MMP26: variants seen among roughly 807,000 people sequenced by gnomAD.
MMP26 encodes matrix metallopeptidase 26.
Under a neutral mutation model 31.0 loss-of-function variants are expected in MMP26, and 33 were observed. The observed-to-expected ratio is 1.06, with a 90% CI of 0.81 to 1.42. MMP26 has a LOEUF of 1.42. Ranked by LOEUF, MMP26 falls within the 40% of genes most tolerant of loss-of-function variation. MMP26 has a pLI of 0.00. For synonymous variants in MMP26, 122 were observed against 114.9 expected (o/e 1.06, Z -0.40); for missense variants, 347 against 316.1 (o/e 1.10, Z -0.74).
At chr11:4,936,361 G>C (rs569589590) in intron 2 of MMP26, among the ~76,000 whole-genome samples, 2 of 152,042 alleles carry the variant, frequency 1.3e-5, no homozygotes, top group East Asian at 3.9e-4. Context: ...TAGTTTATTT[G>C]CGTAGAGGTG....
intron 2 of MMP26, among the ~76,000 whole-genome samples, chr11:4,823,131 A>T (rs998564683): frequency 2.0e-5 from 3 of 152,142 alleles, no homozygotes; most frequent in African/African-American, 7.2e-5. Flanking sequence ...TAGCAATGGC[A>T]GAGCAAAGGC....
chr11:4,792,310 G>T (rs1441755022), intron 2 of MMP26, among the ~76,000 whole-genome samples: 3 of 152,094 alleles, frequency 2.0e-5, no homozygotes, highest in African/African-American at 7.2e-5. Context: ...TCCTTCGGAG[G>T]CAACTTCTCT....
chr11:4,867,762 G>C (rs1377491698), intron 2 of MMP26, among the ~76,000 whole-genome samples: 2 of 152,072 alleles, frequency 1.3e-5, no homozygotes, highest in Non-Finnish European at 2.9e-5. Context: ...GCAAGGTTCT[G>C]AAGAAAAAGG....
intron 2 of MMP26, among the ~76,000 whole-genome samples, chr11:4,802,379 T>TA (rs1247623429): frequency 6.6e-6 from 1 of 152,194 alleles, no homozygotes; most frequent in Non-Finnish European, 1.5e-5. Flanking sequence ...TATTTTTCAT[T>TA]AAAAAAGTGA....
chr11:4,860,653 G>A (rs951687593), intron 2 of MMP26: 7 of 359,992 alleles, frequency 1.9e-5, no homozygotes, highest in Non-Finnish European at 2.8e-5. Flanking sequence ...ACAGAACAAT[G>A]GCTTTATGAA....
intron 2 of MMP26, among the ~76,000 whole-genome samples, chr11:4,775,185 G>T (rs4910676): frequency 0.025 from 3,789 of 152,136 alleles, 76 homozygotes; most frequent in Admixed American, 0.037. Context: ...TAATTTATTG[G>T]GAATAGCATT....
chr11:4,724,793 C>G (rs1263001514), intron 1 of MMP26, among the ~76,000 whole-genome samples: 1 of 152,106 alleles, frequency 6.6e-6, no homozygotes, highest in East Asian at 1.9e-4. Flanking sequence ...ATCGCAGATG[C>G]TAAATTCCAA....
chr11:4,903,195 CG>C (rs1381197583), intron 2 of MMP26, among the ~76,000 whole-genome samples: 2 of 151,978 alleles, frequency 1.3e-5, no homozygotes, highest in Non-Finnish European at 2.9e-5. Flanking sequence ...ACTCCTCGGA[CG>C]GTTCTAGTGA....
intron 2 of MMP26, among the ~76,000 whole-genome samples, chr11:4,916,434 C>T (rs1454395821): frequency 1.3e-5 from 2 of 151,352 alleles, no homozygotes; most frequent in African/African-American, 4.8e-5. Flanking sequence ...CTTTTTTCTA[C>T]CAGGCCTCTC....
chr11:4,805,531 G>A (rs1474061196), intron 2 of MMP26, among the ~76,000 whole-genome samples: 1 of 152,164 alleles, frequency 6.6e-6, no homozygotes, highest in Admixed American at 6.6e-5. Context: ...CCAGGCTATA[G>A]TTTGCCAACC....
intron 2 of MMP26, among the ~76,000 whole-genome samples, chr11:4,918,285 G>A (rs1851128884): frequency 6.6e-6 from 1 of 152,074 alleles, no homozygotes. Context: ...AATTATTTAA[G>A]TTAAGGCAGC....
intron 2 of MMP26, chr11:4,875,997 G>C (rs139859394): frequency 3.9e-5 from 6 of 152,128 alleles, no homozygotes; most frequent in Non-Finnish European, 5.9e-5. Flanking sequence ...TACATCATAC[G>C]AGTGCCAAAG....
intron 1 of MMP26, among the ~76,000 whole-genome samples, chr11:4,761,651 A>G (rs554071865): frequency 2.5e-4 from 38 of 152,276 alleles, no homozygotes; most frequent in African/African-American, 8.9e-4. Context: ...AAATTGAATC[A>G]TTTCTTTAGA....
At chr11:4,802,299 C>T (rs1225307792) in intron 2 of MMP26, among the ~76,000 whole-genome samples, 2 of 152,138 alleles carry the variant, frequency 1.3e-5, no homozygotes, top group Non-Finnish European at 2.9e-5. Context: ...CACCTTTTGG[C>T]AGAATGCTAG....
intron 2 of MMP26, chr11:4,882,790 G>T: frequency 6.2e-7 from 1 of 1,613,838 alleles, no homozygotes; most frequent in Non-Finnish European, 8.5e-7. Context: ...ACAGCTTGAA[G>T]ACCAAGACAA....
intron 2 of MMP26, among the ~76,000 whole-genome samples, chr11:4,775,264 G>C (rs1167195147): frequency 1.3e-5 from 2 of 152,160 alleles, no homozygotes; most frequent in African/African-American, 4.8e-5. Context: ...CATGAACATG[G>C]AATATTTTTC....
At chr11:4,706,708 C>T (rs535750852) in intron 1 of MMP26, among the ~76,000 whole-genome samples, 1 of 151,866 alleles carries the variant, frequency 6.6e-6, no homozygotes, top group South Asian at 2.1e-4. Context: ...TATATCAGAT[C>T]TCTGGAACTA....
chr11:4,707,438 C>G (rs1273523548), intron 1 of MMP26, among the ~76,000 whole-genome samples: 1 of 152,114 alleles, frequency 6.6e-6, no homozygotes, highest in African/African-American at 2.4e-5. Context: ...AACCCCTAAT[C>G]AGGTATTTGG....
intron 2 of MMP26, among the ~76,000 whole-genome samples, chr11:4,952,331 G>T (rs1846382514): frequency 8.0e-6 from 1 of 124,732 alleles, no homozygotes; most frequent in Non-Finnish European, 1.8e-5. Context: ...TCTTGTTAGT[G>T]GAAATGAAGT....
Sources: allele counts gnomAD v4.1 joint callset (sites outside exome capture counted in the v4.1 genomes callset), GRCh38; gene constraint gnomAD v4.1.1; transcripts MANE v1.5; gene names NCBI Gene and HGNC (gene_info 2026-07-23, HGNC 2026-07-21).